STMND1: variants seen among roughly 807,000 people sequenced by gnomAD.
STMND1 encodes stathmin domain containing 1, also known as stathmin domain-containing protein 1.
STMND1 carries 17 observed loss-of-function variants against 23.0 expected under a neutral mutation model. The observed-to-expected ratio is 0.74, with a 90% CI of 0.51 to 1.11. The LOEUF is 1.11. Among genes scored for constraint, STMND1 ranks in the 50% least tolerant of loss-of-function variants. STMND1 has a pLI of 0.00. For missense variants in STMND1, 305 were observed against 329.1 expected, an observed-to-expected ratio of 0.93 and a Z score of 0.57; for synonymous variants, 114 against 119.9, an observed-to-expected ratio of 0.95 and a Z score of 0.32.
At chr6:17,121,121 C>T (rs1761228156) in intron 3 of STMND1, among the ~76,000 whole-genome samples, 1 of 152,184 alleles carries the variant, frequency 6.6e-6, no homozygotes, top group Non-Finnish European at 1.5e-5. Context: ...CACTCATTCT[C>T]TCTCCTACCA....
intron 1 of STMND1, among the ~76,000 whole-genome samples, chr6:17,108,125 C>T (rs1461753226): frequency 6.6e-6 from 1 of 152,150 alleles, no homozygotes; most frequent in Non-Finnish European, 1.5e-5. Context: ...TTTTGGTCAC[C>T]AGCAGAGCTC....
chr6:17,118,955 G>A (rs929614971), intron 2 of STMND1, among the ~76,000 whole-genome samples: 2 of 152,138 alleles, frequency 1.3e-5, no homozygotes, highest in Admixed American at 6.5e-5. Flanking sequence ...GTATAGTGCA[G>A]GTGCCTAAGT....
At chr6:17,114,473 G>A (rs914851660) in intron 1 of STMND1, among the ~76,000 whole-genome samples, 2 of 151,762 alleles carry the variant, frequency 1.3e-5, no homozygotes, top group African/African-American at 2.4e-5. Context: ...ACCATGTTGG[G>A]CAGGCTGGTC....
rs149081434 is a variant in STMND1, at chr6:17,120,937, G to A, written c.411+179G>A. Among the ~76,000 whole-genome samples the A allele has an allele frequency of 6.0e-4, 92 of 152,222 alleles. No individual in the cohort carries two copies. The East Asian group carries it at 0.017, about 28-fold the overall frequency. ...TCTGCACACCATCTCATATGGTTTG[G>A]TTCTGTGCTCCCACCCAAATCTCAC... On this transcript the variant is annotated intron_variant, in intron 3 of 4. Coordinates refer to ENST00000536551, the MANE Select transcript of STMND1 (RefSeq NM_001190766.2).
chr6:17,112,905 C>T (rs1240491141), intron 1 of STMND1, among the ~76,000 whole-genome samples: 1 of 152,150 alleles, frequency 6.6e-6, no homozygotes, highest in Non-Finnish European at 1.5e-5. Flanking sequence ...ATGAGGGTTC[C>T]AATTTCTCCA....
chr6:17,118,074 T>C (rs1046545477), intron 2 of STMND1, among the ~76,000 whole-genome samples: 1 of 152,190 alleles, frequency 6.6e-6, no homozygotes, highest in Admixed American at 6.5e-5. Flanking sequence ...GTTTATGGGG[T>C]TTTTGCTATG....
At chr6:17,115,288 A>G in intron 2 of STMND1, 149 bp downstream of exon 2, 1 of 710,092 alleles carries the variant, frequency 1.4e-6, no homozygotes, top group East Asian at 3.1e-5. Flanking sequence ...CTGAAACATT[A>G]GAATTTAGCC....
intron 3 of STMND1, chr6:17,128,686 A>G (rs1231689986): frequency 6.6e-6 from 1 of 152,484 alleles, no homozygotes; most frequent in Non-Finnish European, 1.5e-5. Context: ...CTGGAAAGTT[A>G]GATTTTTAGA....
intron 3 of STMND1, among the ~76,000 whole-genome samples, chr6:17,122,912 T>C (rs1761251400): frequency 6.6e-6 from 1 of 152,086 alleles, no homozygotes; most frequent in Admixed American, 6.6e-5. Flanking sequence ...GAAAGATTTT[T>C]TTCTAGCTGT....
At chr6:17,102,477 C>A in intron 1 of STMND1, 139 bp downstream of exon 1, 1 of 858,662 alleles carries the variant, frequency 1.2e-6, no homozygotes, top group Non-Finnish European at 1.8e-6. Context: ...GTGGGAGCAA[C>A]TTTATTCTGC....
intron 4 of STMND1, among the ~76,000 whole-genome samples, chr6:17,129,785 C>G (rs952215887): frequency 2.0e-5 from 3 of 151,726 alleles, no homozygotes; most frequent in Admixed American, 2.0e-4. Flanking sequence ...CAGAGCTTGC[C>G]GTGAGCCGAG....
intron 1 of STMND1, among the ~76,000 whole-genome samples, chr6:17,107,322 A>T (rs2113473683): frequency 6.6e-6 from 1 of 152,348 alleles, no homozygotes; most frequent in Admixed American, 6.5e-5. Flanking sequence ...GTCCGTATTT[A>T]AAAGCAATAC....
intron 3 of STMND1, among the ~76,000 whole-genome samples, chr6:17,126,077 T>A (rs1249198226): frequency 7.8e-3 from 567 of 72,470 alleles, no homozygotes; most frequent in Non-Finnish European, 0.014. Context: ...TATATTTTTT[T>A]TTTTTTTTTT....
At chr6:17,120,177 A>G (rs1227280876) in intron 2 of STMND1, among the ~76,000 whole-genome samples, 1 of 152,242 alleles carries the variant, frequency 6.6e-6, no homozygotes, top group Admixed American at 6.5e-5. Context: ...TCTTGGCAAC[A>G]TCACGCTGTT....
intron 3 of STMND1, among the ~76,000 whole-genome samples, chr6:17,121,853 A>G (rs529409130): frequency 6.7e-6 from 1 of 150,218 alleles, no homozygotes; most frequent in Non-Finnish European, 1.5e-5. Flanking sequence ...GCTAAAGTCT[A>G]GAGTTCTAAA....
intron 2 of STMND1, among the ~76,000 whole-genome samples, chr6:17,115,608 A>G (rs1307747849): frequency 6.6e-6 from 1 of 152,194 alleles, no homozygotes; most frequent in African/African-American, 2.4e-5. Flanking sequence ...AGAAATGTGA[A>G]AGAGGTAGTT....
chr6:17,120,588 T>C lies in STMND1; in HGVS notation c.260-19T>C. On this transcript the variant is annotated intron_variant, in intron 2 of 4. Coordinates refer to ENST00000536551, the MANE Select transcript of STMND1 (RefSeq NM_001190766.2). ...TTCTTAAATTTTGCTTTCTTTTTTC[T>C]TTTCTTCTTTTTTGGAAGACCTAGT... 1.4e-6 allele frequency: 2 copies of C among 1,459,726 alleles called. No homozygotes were observed. Among genetic ancestry groups the C allele is most frequent in the Non-Finnish European group, 1.8e-6 (2 of 1,111,630 alleles). 90.4% of individuals were successfully genotyped at this position (1,459,726 alleles called of 1,614,324 possible).
At position 17,122,940 on chromosome 6, in the gene STMND1, T is replaced by A. The variant is rs892463499; in HGVS notation, c.411+2182T>A. Among the ~76,000 whole-genome samples, 9 of 151,562 alleles carry A rather than the reference T, an allele frequency of 5.9e-5. No homozygotes were observed. In the South Asian group the frequency reaches 8.4e-4, roughly 14 times the overall value. ...CTAGCTGTAGGTGAGTCTGTAGGGGTCAGGAAAAAAGAAGGCATGTCAAAA... is the reference window on the plus strand; with the variant it reads ...CTAGCTGTAGGTGAGTCTGTAGGGGACAGGAAAAAAGAAGGCATGTCAAAA... On this transcript the variant is annotated intron_variant, in intron 3 of 4. Coordinates refer to ENST00000536551, the MANE Select transcript of STMND1 (RefSeq NM_001190766.2).
intron 4 of STMND1, 64 bp downstream of exon 4, chr6:17,129,307 A>G (rs1346490765): frequency 1.3e-5 from 19 of 1,478,498 alleles, no homozygotes; most frequent in Non-Finnish European, 1.5e-5. Flanking sequence ...ATCTCACCCC[A>G]GAGCTTTCCT....
Sources: allele counts gnomAD v4.1 joint callset (sites outside exome capture counted in the v4.1 genomes callset), GRCh38; gene constraint gnomAD v4.1.1; transcripts MANE v1.5; gene names NCBI Gene and HGNC (gene_info 2026-07-23, HGNC 2026-07-21).